Variants in SLAMF9 observed in about 807,000 individuals in gnomAD.
The protein encoded by SLAMF9 is CD2 family member 10.
Under a neutral mutation model 30.4 loss-of-function variants are expected in SLAMF9, and 25 were observed. The observed-to-expected ratio is 0.82, with a 90% CI of 0.60 to 1.15. SLAMF9 has a LOEUF of 1.15. SLAMF9 is among the 50% of genes most tolerant of loss of function. The pLI is 0.00. For missense variants in SLAMF9, 344 were observed against 346.1 expected (o/e 0.99, Z 0.05); for synonymous variants, 129 against 127.2 (o/e 1.01, Z -0.09).
At chr1:159,952,913 A>C (rs1321336468) in intron 2 of SLAMF9, among the ~76,000 whole-genome samples, 3 of 152,208 alleles carry the variant, frequency 2.0e-5, no homozygotes, top group African/African-American at 7.2e-5. Flanking sequence ...TGTGACAGAC[A>C]CTAAGAAGAA....
rs1234896781 is a variant in SLAMF9 at position 159,951,492 on chromosome 1, T to TTG, written c.*167_*168dup. On this transcript the variant is annotated 3_prime_UTR_variant, in exon 4 of 4. Coordinates refer to ENST00000368093, the MANE Select transcript of SLAMF9 (RefSeq NM_033438.4). ...AGGACCCAACACAGCTCCTGCAGAG[T>TTG]TGTGGTCACTTAATTTGACTTTATT... 3.2e-6 allele frequency: 2 copies of TTG among 619,914 alleles called. No homozygotes were observed. Among genetic ancestry groups the TTG allele is most frequent in the East Asian group, 5.7e-5 (2 of 34,828 alleles). 38.4% of individuals were successfully genotyped at this position (619,914 alleles called of 1,614,324 possible). A position where few individuals can be genotyped will look rare whatever the true frequency, so the allele number is the denominator to read the frequency against.
chr1:159,976,974 GA>G, the SLAMF9 span: 6 of 39,984 alleles, frequency 1.5e-4, no homozygotes, highest in Admixed American at 2.1e-3. Flanking sequence ...AAGAAAGAAG[GA>G]AAGAAGGAAA....
intron 1 of SLAMF9, 140 bp from the exon 2 acceptor site, chr1:159,953,793 T>C (rs1409204239): frequency 2.5e-6 from 2 of 791,394 alleles, no homozygotes; most frequent in East Asian, 5.4e-5. Flanking sequence ...CTCCAGCTGC[T>C]GCTTCTGACT....
the SLAMF9 span, chr1:159,973,724 G>A: frequency 6.5e-6 from 9 of 1,386,806 alleles, no homozygotes; most frequent in Non-Finnish European, 9.2e-6. Context: ...CCTGTCCAGA[G>A]AGCTACTGAT....
intron 2 of SLAMF9, 41 bp from the exon 3 acceptor site, chr1:159,952,575 G>T: frequency 6.2e-7 from 1 of 1,600,184 alleles, no homozygotes; most frequent in South Asian, 1.1e-5. Flanking sequence ...AAACAATCAG[G>T]GATCGGGTCT....
Position 159,953,405 on chromosome 1 carries a change from T to G in SLAMF9, c.295A>C (p.Asn99His), listed in dbSNP as rs1651832197. ...AGCCCTGAATCCTCCCAGCTCAGAT[T>G]GCTGATATGCAGGGAATAGCTGGGG... ...LDPSYSLHIS[N>H]LSWEDSGLYQ... Residue 99 changes from asparagine to histidine, a missense_variant, in exon 2 of 4, where the codon AAT becomes CAT. By Grantham distance (68) the Asn-to-His change is moderately conservative. Transcript: ENST00000368093. 1 of 1,614,122 alleles carries G rather than the reference T, an allele frequency of 6.2e-7. No individual in the cohort carries two copies. Among genetic ancestry groups the G allele is most frequent in the Non-Finnish European group, 8.5e-7 (1 of 1,180,052 alleles).
chr1:159,958,696 C>T (rs1247171189), upstream of SLAMF9, among the ~76,000 whole-genome samples: 1 of 152,096 alleles, frequency 6.6e-6, no homozygotes, highest in African/African-American at 2.4e-5. Context: ...AACTCCTGGA[C>T]TCAGGGGATC....
chr1:159,971,392 C>G, the SLAMF9 span, among the ~76,000 whole-genome samples: 1 of 152,142 alleles, frequency 6.6e-6, no homozygotes, highest in Admixed American at 6.5e-5. Context: ...AAGGAAGGAA[C>G]AAACCAACCA....
the SLAMF9 span, among the ~76,000 whole-genome samples, chr1:159,971,370 CAAG>C: frequency 6.6e-6 from 1 of 152,226 alleles, no homozygotes; most frequent in Non-Finnish European, 1.5e-5. Flanking sequence ...AACAAGCCAA[CAAG>C]AAGGAAGGAA....
In SLAMF9 at chr1:159,953,523, T is replaced by A. The variant is rs751026805; in HGVS notation, c.177A>T (p.Lys59Asn). Residue 59 changes from lysine (K) to asparagine (N), a missense_variant, in exon 2 of 4, where the codon AAA becomes AAT. Coordinates refer to ENST00000368093, the MANE Select transcript of SLAMF9 (RefSeq NM_033438.4). Reference protein sequence around the residue: ...EVENIIWSSHKSLATVVPGKE... With the variant: ...EVENIIWSSHNSLATVVPGKE... ...TCCCTGGCACCACAGTGGCAAGACT[T>A]TTGTGAGAGGACCAGATGATGTTCT... 6.8e-6 allele frequency: 11 copies of A among 1,614,142 alleles called. No homozygotes were observed. The highest frequency in any genetic ancestry group is 8.5e-6 in the Non-Finnish European group (10 of 1,180,022).
At chr1:159,965,675 A>T in the SLAMF9 span, 1 of 152,186 alleles carries the variant, frequency 6.6e-6, no homozygotes, top group African/African-American at 2.4e-5. Context: ...TATTTGTGTC[A>T]TTAGGGATAA....
At chr1:159,957,153 A>AG (rs1651940612), upstream of SLAMF9, among the ~76,000 whole-genome samples, 1 of 150,324 alleles carries the variant, frequency 6.7e-6, no homozygotes, top group Non-Finnish European at 1.5e-5. Flanking sequence ...AAAAAAAAAA[A>AG]AGATTGAACT....
chr1:159,962,931 T>A, the SLAMF9 span, among the ~76,000 whole-genome samples: 1 of 152,240 alleles, frequency 6.6e-6, no homozygotes, highest in Non-Finnish European at 1.5e-5. Context: ...AGAAGCAAAA[T>A]CTTACTAAAG....
At chr1:159,976,956 GAAAGAGAA>G in the SLAMF9 span, 1 of 6,886 alleles carries the variant, frequency 1.5e-4, no homozygotes, top group Non-Finnish European at 7.3e-4. Flanking sequence ...AAGAAAGAAA[GAAAGAGAA>G]AGAAAGAAGG....
the SLAMF9 span, among the ~76,000 whole-genome samples, chr1:159,960,725 A>G: frequency 6.7e-6 from 1 of 149,706 alleles, no homozygotes; most frequent in African/African-American, 2.5e-5. Flanking sequence ...AAGTGCTGGG[A>G]TTACAGGCAT....
the SLAMF9 span, among the ~76,000 whole-genome samples, chr1:159,968,115 G>A: frequency 1.1e-4 from 16 of 152,186 alleles, no homozygotes; most frequent in Non-Finnish European, 2.2e-4. Context: ...AATTGCTCTG[G>A]CTAGGACTTC....
chr1:159,951,867 CTGG>C lies in SLAMF9; in HGVS notation c.665-4_665-2del, dbSNP rs934260684. ...GGCTTCTCAGAAGCATAGTTAGGAT[CTGG>C]GGTGGAAGAAAGGAGGAAAGGGCCC... On this transcript the variant is annotated splice_acceptor_variant and splice_polypyrimidine_tract_variant and intron_variant, in intron 3 of 3. Transcript: ENST00000368093. LOFTEE classifies it high-confidence loss of function. The C allele has an allele frequency of 1.9e-6, 3 of 1,613,756 alleles. No homozygotes were observed. In the African/African-American group the frequency reaches 4.0e-5, roughly 22 times the overall value.
At chr1:159,978,918 T>C in the SLAMF9 span, 3 of 152,172 alleles carry the variant, frequency 2.0e-5, no homozygotes, top group Admixed American at 6.5e-5. Context: ...ATACCATCTT[T>C]CCCCCACACT....
chr1:159,954,074 G>A lies in SLAMF9; in HGVS notation c.46+18C>T, dbSNP rs758816487. 2 of 1,613,894 alleles carry A rather than the reference G, an allele frequency of 1.2e-6. No individual in the cohort carries two copies. The highest frequency in any genetic ancestry group is 1.7e-6 in the Non-Finnish European group (2 of 1,179,948). On this transcript the variant is annotated intron_variant, in intron 1 of 3. Coordinates refer to ENST00000368093, the MANE Select transcript of SLAMF9 (RefSeq NM_033438.4). ...GTGTAGGGGACATTCCTGTGCACGA[G>A]CTGGCAGCTTCACTCACCCTCCTGG... is the stretch of plus-strand genomic sequence containing the variant.
Sources: gnomAD v4.1 joint callset for allele counts (sites outside exome capture counted in the v4.1 genomes callset) on GRCh38, gnomAD v4.1.1 for gene constraint, MANE v1.5 for transcripts, NCBI Gene and HGNC (gene_info 2026-07-23, HGNC 2026-07-21) for gene names.